The following C4orf51 variants were observed in gnomAD, a reference collection of about 807,000 sequenced individuals.
C4orf51 encodes chromosome 4 open reading frame 51.
A neutral mutation model predicts 25.2 loss-of-function variants in C4orf51; 25 were observed. The ratio of observed to expected loss-of-function variants is 0.99; its 90% CI spans 0.72 to 1.39. The LOEUF (loss-of-function observed/expected upper bound fraction) is 1.39. Among genes scored for constraint, C4orf51 ranks in the 40% most tolerant of loss-of-function variants. C4orf51 has a pLI of 0.00. For missense variants in C4orf51, 252 were observed against 239.6 expected, an observed-to-expected ratio of 1.05 and a Z score of -0.34; for synonymous variants, 100 against 84.5, an observed-to-expected ratio of 1.18 and a Z score of -1.01.
intron 1 of C4orf51, among the ~76,000 whole-genome samples, chr4:145,691,976 C>CACACAATATATTCA (rs1427861062): frequency 1.3e-5 from 2 of 151,922 alleles, no homozygotes; most frequent in Admixed American, 6.6e-5. Flanking sequence ...TGATATACAG[C>CACACAATATATTCA]TGATAGGAAT....
chr4:145,738,228 T>C (rs1294176535), intron 1 of C4orf51, among the ~76,000 whole-genome samples: 2 of 152,150 alleles, frequency 1.3e-5, no homozygotes, highest in African/African-American at 4.8e-5. Flanking sequence ...GGCAGGTGGA[T>C]TGCCTGAGGT....
At chr4:145,701,045 CA>C (rs1730406040) in intron 2 of C4orf51, among the ~76,000 whole-genome samples, 1 of 152,110 alleles carries the variant, frequency 6.6e-6, no homozygotes, top group Non-Finnish European at 1.5e-5. Flanking sequence ...AAACCCAGCC[CA>C]GTTCATGGCT....
chr4:145,736,589 T>C (rs1732817610), downstream of C4orf51, among the ~76,000 whole-genome samples: 1 of 152,186 alleles, frequency 6.6e-6, no homozygotes, highest in Non-Finnish European at 1.5e-5. Context: ...TGCCCTGACC[T>C]AGGCATTTCA....
rs765393405 is a variant in C4orf51 at position 145,764,958 on chromosome 4, A to G, written n.167-6030A>G. ...GGGAAAGGGTATTTAATAACAACGCAGTAAAAGGTTCTGTACTTGCTTTCC... is the reference window on the plus strand; with the variant it reads ...GGGAAAGGGTATTTAATAACAACGCGGTAAAAGGTTCTGTACTTGCTTTCC... On this transcript the variant is annotated intron_variant and non_coding_transcript_variant, in intron 1 of 1. Coordinates refer to the C4orf51 transcript ENST00000510096. The G allele has an allele frequency of 5.0e-6, 8 of 1,609,048 alleles. No homozygotes were observed. The African/African-American group carries it at 9.4e-5, about 19-fold the overall frequency.
downstream of C4orf51, chr4:145,774,777 T>G (rs1299286036): frequency 7.8e-7 from 1 of 1,277,652 alleles, no homozygotes; most frequent in Non-Finnish European, 1.1e-6. Context: ...AACTGGAATT[T>G]GAAACACATT....
chr4:145,708,014 G>C (rs909564362), intron 2 of C4orf51, among the ~76,000 whole-genome samples: 2 of 152,220 alleles, frequency 1.3e-5, no homozygotes, highest in Non-Finnish European at 2.9e-5. Context: ...CTGGCAGAAG[G>C]GGCAAGCCAT....
chr4:145,778,899 C>T, the C4orf51 span, among the ~76,000 whole-genome samples: 4 of 151,986 alleles, frequency 2.6e-5, no homozygotes, highest in Non-Finnish European at 5.9e-5. Flanking sequence ...ACTATTTATT[C>T]CTCCTTGTTA....
chr4:145,781,030 A>C, the C4orf51 span, among the ~76,000 whole-genome samples: 2 of 151,990 alleles, frequency 1.3e-5, no homozygotes, highest in Non-Finnish European at 2.9e-5. Flanking sequence ...CACTGTCTCC[A>C]CTAAAAATAC....
chr4:145,700,735 G>A (rs572525912), intron 2 of C4orf51, among the ~76,000 whole-genome samples: 250 of 151,950 alleles, frequency 1.6e-3, no homozygotes, highest in African/African-American at 5.7e-3. Context: ...AACCCCAAGC[G>A]TCGCTGAGTC....
At chr4:145,704,986 C>T (rs952957142) in intron 2 of C4orf51, among the ~76,000 whole-genome samples, 1 of 152,234 alleles carries the variant, frequency 6.6e-6, no homozygotes, top group Non-Finnish European at 1.5e-5. Flanking sequence ...AGGGTTCATA[C>T]GTTAGCATGC....
At chr4:145,784,719 C>T in the C4orf51 span, among the ~76,000 whole-genome samples, 475 of 152,294 alleles carry the variant, frequency 3.1e-3, 3 homozygotes, top group African/African-American at 0.011. Context: ...AATATGGGTA[C>T]TGTTTTTAAA....
At chr4:145,735,839 G>A (rs1306455921), downstream of C4orf51, among the ~76,000 whole-genome samples, 3 of 152,116 alleles carry the variant, frequency 2.0e-5, no homozygotes, top group Admixed American at 2.0e-4. Flanking sequence ...GTCTTTTAAG[G>A]ACGATGACTT....
At chr4:145,721,905 T>G (rs1396700944) in intron 2 of C4orf51, among the ~76,000 whole-genome samples, 1 of 152,198 alleles carries the variant, frequency 6.6e-6, no homozygotes, top group African/African-American at 2.4e-5. Context: ...AGGGAAAAGG[T>G]GAAGCATTAT....
intron 2 of C4orf51, among the ~76,000 whole-genome samples, chr4:145,702,241 A>G (rs546260959): frequency 6.6e-6 from 1 of 152,052 alleles, no homozygotes; most frequent in South Asian, 2.1e-4. Context: ...CGCCTTATCA[A>G]CCAAATTGTT....
At chr4:145,744,859 A>C (rs1451805169) in intron 1 of C4orf51, among the ~76,000 whole-genome samples, 1 of 151,510 alleles carries the variant, frequency 6.6e-6, no homozygotes, top group African/African-American at 2.4e-5. Context: ...TCTCAAAAAA[A>C]AAAAAGAGAG....
intron 2 of C4orf51, among the ~76,000 whole-genome samples, chr4:145,716,138 A>C (rs1170507063): frequency 6.6e-6 from 1 of 152,242 alleles, no homozygotes; most frequent in Non-Finnish European, 1.5e-5. Context: ...GGGGGTTGAT[A>C]GATAAACTTC....
At chr4:145,719,970 T>C (rs979120636) in intron 2 of C4orf51, among the ~76,000 whole-genome samples, 1 of 152,078 alleles carries the variant, frequency 6.6e-6, no homozygotes, top group African/African-American at 2.4e-5. Flanking sequence ...CTTAGCAATG[T>C]GAGTATCTCG....
chr4:145,758,564 G>A (rs929368548), downstream of C4orf51: 3 of 151,412 alleles, frequency 2.0e-5, no homozygotes, highest in African/African-American at 7.3e-5. Context: ...ATTATATGGG[G>A]ATAAAGACAT....
downstream of C4orf51, among the ~76,000 whole-genome samples, chr4:145,736,947 G>T (rs1280411683): frequency 6.6e-6 from 1 of 152,162 alleles, no homozygotes; most frequent in Non-Finnish European, 1.5e-5. Context: ...CACCCTGGCG[G>T]CGAGAGTCCT....
Sources: allele counts gnomAD v4.1 joint callset (sites outside exome capture counted in the v4.1 genomes callset), GRCh38; gene constraint gnomAD v4.1.1; transcripts MANE v1.5; gene names NCBI Gene and HGNC (gene_info 2026-07-23, HGNC 2026-07-21).